Variants in DLGAP1 observed in about 807,000 individuals in gnomAD.
DLGAP1 encodes the protein DLG associated protein 1, also known as disks large-associated protein 1.
DLGAP1 carries 11 observed loss-of-function variants against 90.8 expected under a neutral mutation model. The ratio of observed to expected loss-of-function variants is 0.12; its 90% CI spans 0.08 to 0.20. The LOEUF is 0.20. DLGAP1 is among the 10% of genes least tolerant of loss of function. The probability of loss-of-function intolerance (pLI) is 1.00; values close to 1 mark genes in which losing one functional copy is unlikely to be tolerated. For synonymous variants in DLGAP1, 558 were observed against 540.7 expected (o/e 1.03, Z -0.44); for missense variants, 1,050 against 1,333.8 (o/e 0.79, Z 3.31).
rs2051600627 is a variant in DLGAP1 at position 3,526,103 on chromosome 18, C to T, written c.2479+8091G>A. Among the ~76,000 whole-genome samples the T allele has an allele frequency of 6.6e-6, 1 of 152,168 alleles. No homozygotes were observed. The highest frequency in any genetic ancestry group is 2.4e-5 in the African/African-American group (1 of 41,430). On this transcript the variant is annotated intron_variant, in intron 10 of 12. Transcript: ENST00000315677. This position sits in a 1 kb window ranked among gnomAD's most constrained non-coding sequence, Gnocchi z 4.7. Reference sequence around the variant, plus strand: ...TCTGGAGCTTACAAAAAGAGACATGCAAGTATGTGTGTCTGTGTGTGTGGT... The same window carrying T: ...TCTGGAGCTTACAAAAAGAGACATGTAAGTATGTGTGTCTGTGTGTGTGGT...
intron 1 of DLGAP1, among the ~76,000 whole-genome samples, chr18:4,444,310 G>A (rs2083609086): frequency 6.6e-6 from 1 of 152,166 alleles, no homozygotes; most frequent in Non-Finnish European, 1.5e-5. Context: ...TGTTGCTATA[G>A]ATGCACTGAA....
At chr18:3,580,801 G>A in intron 8 of DLGAP1, 1 of 1,587,040 alleles carries the variant, frequency 6.3e-7, no homozygotes, top group Admixed American at 1.7e-5. Context: ...TGGTGCCGAA[G>A]CGTCTTCCAC....
chr18:3,707,913 T>C (rs1170277950), intron 7 of DLGAP1, among the ~76,000 whole-genome samples: 1 of 152,176 alleles, frequency 6.6e-6, no homozygotes, highest in African/African-American at 2.4e-5. Context: ...GAACCTCTTC[T>C]TGGCCAGGTC....
At chr18:4,413,417 G>A (rs2082825509) in intron 1 of DLGAP1, among the ~76,000 whole-genome samples, 1 of 152,124 alleles carries the variant, frequency 6.6e-6, no homozygotes, top group African/African-American at 2.4e-5. Context: ...GCTCATTTGT[G>A]CCATGAAGCT....
chr18:4,349,753 T>C (rs1386462034), intron 1 of DLGAP1, among the ~76,000 whole-genome samples: 3 of 152,006 alleles, frequency 2.0e-5, no homozygotes, highest in Non-Finnish European at 4.4e-5. Context: ...AAAAATGTAT[T>C]CTAATGAGTA....
chr18:4,339,851 T>C (rs187372828), intron 1 of DLGAP1, among the ~76,000 whole-genome samples: 1 of 152,204 alleles, frequency 6.6e-6, no homozygotes, highest in Non-Finnish European at 1.5e-5. Context: ...AAAGAAGATA[T>C]GCTTTGACAT....
chr18:4,189,866 T>C (rs958590892), intron 1 of DLGAP1, among the ~76,000 whole-genome samples: 2 of 152,100 alleles, frequency 1.3e-5, no homozygotes, highest in African/African-American at 4.8e-5. Flanking sequence ...GGAGAAAAGA[T>C]AGACTGGACC....
chr18:3,788,113 A>G (rs2065546319), intron 5 of DLGAP1, among the ~76,000 whole-genome samples: 1 of 152,208 alleles, frequency 6.6e-6, no homozygotes. Context: ...TACCCCTGTA[A>G]AAGCATCCAC....
chr18:4,337,061 C>CCGAGATTG (rs1391546875), intron 1 of DLGAP1, among the ~76,000 whole-genome samples: 1 of 149,972 alleles, frequency 6.7e-6, no homozygotes, highest in African/African-American at 2.5e-5. Flanking sequence ...TAGCAGTGAG[C>CCGAGATTG]CGAGATTGTG....
chr18:3,513,932 C>A (rs1314974687), intron 10 of DLGAP1, among the ~76,000 whole-genome samples: 1 of 152,172 alleles, frequency 6.6e-6, no homozygotes, highest in Non-Finnish European at 1.5e-5. Context: ...CTTTAACCCT[C>A]CCAGTGGGTC....
At chr18:3,893,925 G>A (rs894460605) in intron 3 of DLGAP1, among the ~76,000 whole-genome samples, 1 of 151,350 alleles carries the variant, frequency 6.6e-6, no homozygotes, top group Non-Finnish European at 1.5e-5. Flanking sequence ...ACTGGTGTAA[G>A]ATGGTATCTC....
At chr18:3,731,362 A>AT (rs1289020289) in intron 6 of DLGAP1, among the ~76,000 whole-genome samples, 1 of 152,126 alleles carries the variant, frequency 6.6e-6, no homozygotes, top group Non-Finnish European at 1.5e-5. Flanking sequence ...AACTTGAATC[A>AT]TATAGTAAAT....
At chr18:3,938,747 A>G (rs761906353) in intron 3 of DLGAP1, among the ~76,000 whole-genome samples, 4 of 152,198 alleles carry the variant, frequency 2.6e-5, no homozygotes, top group Non-Finnish European at 5.9e-5. Context: ...GGTGCAGACC[A>G]CGTGGGGCCC....
chr18:4,157,101 ATGTCT>A (rs1226002987), intron 1 of DLGAP1, among the ~76,000 whole-genome samples: 2 of 152,008 alleles, frequency 1.3e-5, no homozygotes, highest in Non-Finnish European at 2.9e-5. Flanking sequence ...AGACGGGGAC[ATGTCT>A]TGTCTGAGAT....
At chr18:3,880,887 G>A (rs897693344) in intron 3 of DLGAP1, among the ~76,000 whole-genome samples, 1 of 140,438 alleles carries the variant, frequency 7.1e-6, no homozygotes, top group Non-Finnish European at 1.5e-5. Context: ...AGCTTGCAGT[G>A]AGCAGAGATG....
chr18:3,809,315 C>T (rs569253982), intron 5 of DLGAP1, among the ~76,000 whole-genome samples: 2 of 152,288 alleles, frequency 1.3e-5, no homozygotes, highest in South Asian at 4.1e-4. Flanking sequence ...GGTTCAGAGA[C>T]ATTAATCAAT....
Position 3,499,239 on chromosome 18 carries a change from G to A in DLGAP1, c.2880C>T (p.Thr960=), listed in dbSNP as rs1421204043. The A allele has an allele frequency of 2.5e-6, 4 of 1,597,494 alleles. No individual in the cohort carries two copies. Among genetic ancestry groups the A allele is most frequent in the Admixed American group, 1.7e-5 (1 of 59,014 alleles). Residue 960 remains threonine (T), a synonymous_variant, in exon 13 of 13, where the codon ACC becomes ACT. Coordinates refer to ENST00000315677, the MANE Select transcript of DLGAP1 (RefSeq NM_004746.4). The surrounding 1 kb of genome is among the most constrained non-coding windows in gnomAD (Gnocchi z 6.4). ...AGATCTCGATGCTCTCGGCGCTCTC[G>A]GTGGCCGAGTTCTGGCGGACGGACG... ...RAASVRQNSA[T]ESAESIEIYI... is the part of the protein sequence containing the mutation.
At chr18:3,878,824 T>A (rs1226962586) in intron 4 of DLGAP1, among the ~76,000 whole-genome samples, 1 of 152,192 alleles carries the variant, frequency 6.6e-6, no homozygotes, top group Non-Finnish European at 1.5e-5. Flanking sequence ...CATCCTATGA[T>A]CCCTCAGACA....
intron 3 of DLGAP1, among the ~76,000 whole-genome samples, chr18:3,880,928 G>A (rs2071144637): frequency 8.1e-6 from 1 of 124,044 alleles, no homozygotes; most frequent in Non-Finnish European, 1.6e-5. Flanking sequence ...GGGGGACAGA[G>A]CCAGACTCCA....
Sources: gnomAD v4.1 joint callset for allele counts (sites outside exome capture counted in the v4.1 genomes callset) on GRCh38, gnomAD v4.1.1 for gene constraint, Gnocchi (gnomAD v3.1) non-coding constraint, MANE v1.5 for transcripts, NCBI Gene and HGNC (gene_info 2026-07-23, HGNC 2026-07-21) for gene names.